Variants in SLC38A10 observed in about 807,000 individuals in gnomAD.
The protein encoded by SLC38A10 is Sodium-coupled neutral amino acid transporter 10.
Under a neutral mutation model 81.0 loss-of-function variants are expected in SLC38A10, and 53 were observed. That is an observed-to-expected ratio of 0.65 (90% CI 0.53 to 0.82). The LOEUF is 0.82. SLC38A10 is among the 40% of genes least tolerant of loss of function. The pLI is 0.00. For missense variants in SLC38A10, 1,471 were observed against 1,545.0 expected, an observed-to-expected ratio of 0.95 and a Z score of 0.80; for synonymous variants, 665 against 655.3, an observed-to-expected ratio of 1.01 and a Z score of -0.23.
In SLC38A10 at chr17:81,265,845, C is replaced by T. The variant is rs958530958; in HGVS notation, c.1131+5073G>A. Among the ~76,000 whole-genome samples the T allele has an allele frequency of 6.6e-6, 1 of 152,214 alleles. No individual in the cohort carries two copies. Among genetic ancestry groups the T allele is most frequent in the South Asian group, 2.1e-4 (1 of 4,834 alleles). On this transcript the variant is annotated intron_variant, in intron 10 of 15. Transcript: ENST00000374759. The surrounding 1 kb of genome is among the most constrained non-coding windows in gnomAD (Gnocchi z 4.2). ...GCTGGCCCCACGACCTACTGCGGAG[C>T]CGTAGGAGCGCTGGGGACAGGACGC...
intron 6 of SLC38A10, among the ~76,000 whole-genome samples, chr17:81,279,401 G>A (rs556329542): frequency 1.3e-5 from 2 of 152,358 alleles, no homozygotes; most frequent in South Asian, 2.1e-4. Context: ...GTGCAGTGAC[G>A]CTGTGGGAGG....
At chr17:81,292,871 C>T (rs2063321364) in intron 1 of SLC38A10, among the ~76,000 whole-genome samples, 2 of 152,174 alleles carry the variant, frequency 1.3e-5, no homozygotes, top group South Asian at 4.1e-4. Flanking sequence ...GGGCCAGGCA[C>T]GGTGGCTCAC....
chr17:81,283,362 G>A lies in SLC38A10; in HGVS notation c.357+47C>T. 6.5e-7 allele frequency: 1 copy of A among 1,547,010 alleles called. No individual in the cohort carries two copies. Among genetic ancestry groups the A allele is most frequent in the Middle Eastern group, 1.7e-4 (1 of 5,972 alleles). ...GGAGGATCCCACAGAGGGCCTCAGA[G>A]CAGCCGTCAGCATCTGAACAACCCA... On this transcript the variant is annotated intron_variant, in intron 4 of 15. Coordinates refer to ENST00000374759, the MANE Select transcript of SLC38A10 (RefSeq NM_001037984.3). This position sits in a 1 kb window ranked among gnomAD's most constrained non-coding sequence, Gnocchi z 4.7.
At chr17:81,261,939 C>T (rs1234540164) in intron 10 of SLC38A10, among the ~76,000 whole-genome samples, 6 of 152,234 alleles carry the variant, frequency 3.9e-5, no homozygotes, top group African/African-American at 1.2e-4. Context: ...AGCTCTGCCC[C>T]GCCCTGGCCC....
intron 6 of SLC38A10, chr17:81,280,083 T>C: frequency 2.3e-6 from 1 of 437,700 alleles, no homozygotes; most frequent in South Asian, 1.6e-5. Context: ...CGGGCACGAA[T>C]CACTCGCTCT....
At chr17:81,251,825 A>T (rs139633771) in intron 13 of SLC38A10, 11,441 of 549,256 alleles carry the variant, frequency 0.021, 170 homozygotes, top group Non-Finnish European at 0.025. Flanking sequence ...CAATGAGCCA[A>T]TGGTAACTGC....
chr17:81,260,755 C>T (rs2063015359), intron 10 of SLC38A10, among the ~76,000 whole-genome samples: 2 of 152,300 alleles, frequency 1.3e-5, no homozygotes, highest in Admixed American at 6.5e-5. Flanking sequence ...CCATTCAGGA[C>T]GGAGCGGGAG....
chr17:81,253,294 G>A lies in SLC38A10; in HGVS notation c.1289-54C>T. On this transcript the variant is annotated intron_variant, in intron 11 of 15. Coordinates refer to ENST00000374759, the MANE Select transcript of SLC38A10 (RefSeq NM_001037984.3). The surrounding 1 kb of genome is among the most constrained non-coding windows in gnomAD (Gnocchi z 4.1). The stretch of plus-strand genomic sequence containing the variant: ...CACTGCCAAGCAGCTCCAGGAGCGG[G>A]GCAGCTCTCCCTGGACTGTTACCAT... 1.1e-5 allele frequency: 17 copies of A among 1,589,832 alleles called. No individual in the cohort carries two copies. Among genetic ancestry groups the A allele is most frequent in the Non-Finnish European group, 1.4e-5 (16 of 1,164,386 alleles).
rs771068419 is a variant in SLC38A10 at position 81,288,219 on chromosome 17, C to A, written c.217+1472G>T. Among the ~76,000 whole-genome samples the A allele has an allele frequency of 2.0e-5, 3 of 152,212 alleles. No homozygotes were observed. Among genetic ancestry groups the A allele is most frequent in the Non-Finnish European group, 2.9e-5 (2 of 68,042 alleles). On this transcript the variant is annotated intron_variant, in intron 2 of 15. Transcript: ENST00000374759. The surrounding 1 kb of genome is among the most constrained non-coding windows in gnomAD (Gnocchi z 5.4). Reference sequence around the variant, plus strand: ...GTGGAGGCTGGGAGGCCAGGACCCACGTGTGGACCGTGCAGGTGTTTTTAT... The same window carrying A: ...GTGGAGGCTGGGAGGCCAGGACCCAAGTGTGGACCGTGCAGGTGTTTTTAT...
At position 81,245,658 on chromosome 17, in the gene SLC38A10, A is replaced by T. The variant is rs776506596; in HGVS notation, c.3258T>A (p.Arg1086=). The change falls in exon 16 of 16, where the codon CGT becomes CGA. Residue 1086 remains arginine, a synonymous_variant. Coordinates refer to ENST00000374759, the MANE Select transcript of SLC38A10 (RefSeq NM_001037984.3). ...PLPDVQVNDL[R]GALDAQLRQA... ...GGCGGAGCTGGGCATCCAGGGCGCC[A>T]CGGAGGTCGTTCACCTGGACATCAG... 3 of 1,611,910 alleles carry T rather than the reference A, an allele frequency of 1.9e-6. No homozygotes were observed.
chr17:81,286,485 C>T lies in SLC38A10; in HGVS notation c.218-1590G>A, dbSNP rs536527245. On this transcript the variant is annotated intron_variant, in intron 2 of 15. Transcript: ENST00000374759. This position sits in a 1 kb window ranked among gnomAD's most constrained non-coding sequence, Gnocchi z 6.0. ...AGTGTCAATCCCTCGGCAACTTCTC[C>T]TCCCCAGGTTCAAACACCAGCCCCA... Among the ~76,000 whole-genome samples the T allele has an allele frequency of 6.6e-6, 1 of 152,348 alleles. No individual in the cohort carries two copies. Among genetic ancestry groups the T allele is most frequent in the Admixed American group, 6.5e-5 (1 of 15,310 alleles).
At position 81,289,815 on chromosome 17, in the gene SLC38A10, G is replaced by A; in HGVS notation, c.100-7C>T. The stretch of plus-strand genomic sequence containing the variant: ...CCCCCAGGACGATGCCGCACTGCAG[G>A]GTGGAGACAGGAACACATGTTCACA... On this transcript the variant is annotated splice_polypyrimidine_tract_variant and splice_region_variant and intron_variant, in intron 1 of 15. Transcript: ENST00000374759. The surrounding 1 kb of genome is among the most constrained non-coding windows in gnomAD (Gnocchi z 5.9). 1.9e-6 allele frequency: 3 copies of A among 1,579,714 alleles called. No individual in the cohort carries two copies. Among genetic ancestry groups the A allele is most frequent in the Middle Eastern group, 4.2e-4 (2 of 4,744 alleles).
chr17:81,269,232 G>A (rs548183098), intron 10 of SLC38A10, among the ~76,000 whole-genome samples: 12 of 152,294 alleles, frequency 7.9e-5, no homozygotes, highest in African/African-American at 2.4e-4. Context: ...ATCCATAAGG[G>A]GCTGGGTGTA....
chr17:81,280,775 G>GCAGGC, intron 5 of SLC38A10, 42 bp from the exon 6 acceptor site: 1 of 1,575,506 alleles, frequency 6.3e-7, no homozygotes, highest in Non-Finnish European at 8.6e-7. Context: ...AGGTCAGGAC[G>GCAGGC]CAGGCGGGAC....
At position 81,288,325 on chromosome 17, in the gene SLC38A10, G is replaced by C. The variant is rs529845649; in HGVS notation, c.217+1366C>G. Among the ~76,000 whole-genome samples the C allele has an allele frequency of 1.3e-5, 2 of 152,340 alleles. No individual in the cohort carries two copies. The highest frequency in any genetic ancestry group is 1.9e-4 in the East Asian group (1 of 5,184). On this transcript the variant is annotated intron_variant, in intron 2 of 15. Coordinates refer to ENST00000374759, the MANE Select transcript of SLC38A10 (RefSeq NM_001037984.3). This position sits in a 1 kb window ranked among gnomAD's most constrained non-coding sequence, Gnocchi z 5.4. ...TCTGCCGCGGGAGCTGTGAGCCCGG[G>C]GGGCAGGATGGCCTTCTGCAGGGAG...
chr17:81,273,213 G>A (rs950396994), intron 8 of SLC38A10, among the ~76,000 whole-genome samples: 7 of 152,262 alleles, frequency 4.6e-5, no homozygotes, highest in African/African-American at 1.7e-4. Flanking sequence ...GGACTCTACT[G>A]ATCTGCACCG....
At position 81,286,377 on chromosome 17, in the gene SLC38A10, C is replaced by T. The variant is rs149295337; in HGVS notation, c.218-1482G>A. On this transcript the variant is annotated intron_variant, in intron 2 of 15. Transcript: ENST00000374759. The surrounding 1 kb of genome is among the most constrained non-coding windows in gnomAD (Gnocchi z 6.0). ...CACTCTCTTCTGGTTCCCAGGACAACGTCCTGAGAGCCCACCACGCTGAGA... is the reference window on the plus strand; with the variant it reads ...CACTCTCTTCTGGTTCCCAGGACAATGTCCTGAGAGCCCACCACGCTGAGA... Among the ~76,000 whole-genome samples, 113 of 152,336 alleles carry T rather than the reference C, an allele frequency of 7.4e-4. 1 individual carries two copies. The East Asian group carries it at 0.02, about 26-fold the overall frequency.
Position 81,260,341 on chromosome 17 carries a change from C to G in SLC38A10, c.1185G>C (p.Leu395=). 6.2e-7 allele frequency: 1 copy of G among 1,610,610 alleles called. No homozygotes were observed. The highest frequency in any genetic ancestry group is 1.3e-5 in the African/African-American group (1 of 75,036). ...CCTCGGGGACCTCCTCGCTCACAGACAGTGTGGTGACAGTGCTCACCACCA... is the reference window on the plus strand; with the variant it reads ...CCTCGGGGACCTCCTCGCTCACAGAGAGTGTGGTGACAGTGCTCACCACCA... ...GVLVVSTVTT[L]SVSEEVPEDL... is the part of the protein sequence containing the mutation. Residue 395 remains leucine (L), a synonymous_variant, in exon 11 of 16, where the codon CTG becomes CTC. Transcript: ENST00000374759.
chr17:81,255,633 G>C (rs1163774751), intron 11 of SLC38A10, among the ~76,000 whole-genome samples: 3 of 152,192 alleles, frequency 2.0e-5, no homozygotes, highest in African/African-American at 7.2e-5. Flanking sequence ...ATGGCTCCAC[G>C]CACGCCCCCA....
Sources: allele counts gnomAD v4.1 joint callset (sites outside exome capture counted in the v4.1 genomes callset), GRCh38; gene constraint gnomAD v4.1.1; non-coding constraint Gnocchi (gnomAD v3.1); transcripts MANE v1.5; gene names NCBI Gene and HGNC (gene_info 2026-07-23, HGNC 2026-07-21).